The following EPHA5 variants were observed in gnomAD, a reference collection of about 807,000 sequenced individuals.
The protein encoded by EPHA5 is ephrin type-A receptor 5.
Under a neutral mutation model 105.0 loss-of-function variants are expected in EPHA5, and 60 were observed. The observed-to-expected ratio is 0.57, with a 90% CI of 0.46 to 0.71. EPHA5 has a LOEUF of 0.71. Ranked by LOEUF, EPHA5 falls within the 30% of genes least tolerant of loss-of-function variation. EPHA5 has a pLI of 0.00. For synonymous variants in EPHA5, 513 were observed against 449.1 expected (o/e 1.14, Z -1.80); for missense variants, 1,218 against 1,274.7 (o/e 0.96, Z 0.68).
intron 4 of EPHA5, among the ~76,000 whole-genome samples, chr4:65,492,640 C>T (rs13105712): frequency 0.025 from 3,868 of 151,820 alleles, 64 homozygotes; most frequent in African/African-American, 0.031. Context: ...AAAACAGTCC[C>T]CTTTAAGTTG....
chr4:65,582,943 G>A (rs1306595134), intron 3 of EPHA5, among the ~76,000 whole-genome samples: 1 of 151,400 alleles, frequency 6.6e-6, no homozygotes, highest in Non-Finnish European at 1.5e-5. Flanking sequence ...TTATATCTTT[G>A]TCTCTTTTAA....
chr4:65,574,920 C>T (rs77078412), intron 3 of EPHA5, among the ~76,000 whole-genome samples: 1 of 151,392 alleles, frequency 6.6e-6, no homozygotes, highest in Admixed American at 6.6e-5. Flanking sequence ...AGCTAGAGAA[C>T]CTATGATACA....
chr4:65,601,672 T>C lies in EPHA5; in HGVS notation c.879A>G (p.Ala293=). ...LVPIGKCMCK[A]GYEEKNGTCQ... ...AGGTGCCATTTTTCTCTTCATATCC[T>C]GCCTTGCACATGCATTTCCCGATGG... The change falls in exon 3 of 17, where the codon GCA becomes GCG. Residue 293 remains alanine, a synonymous_variant. Transcript: ENST00000613740. The C allele has an allele frequency of 6.2e-7, 1 of 1,614,114 alleles. No individual in the cohort carries two copies. The highest frequency in any genetic ancestry group is 8.5e-7 in the Non-Finnish European group (1 of 1,179,946).
chr4:65,473,931 G>C (rs1729536219), intron 5 of EPHA5, among the ~76,000 whole-genome samples: 1 of 145,424 alleles, frequency 6.9e-6, no homozygotes, highest in South Asian at 2.2e-4. Context: ...AATATCTATA[G>C]CATATTGAGG....
intron 2 of EPHA5, among the ~76,000 whole-genome samples, chr4:65,642,011 G>A (rs188829760): frequency 5.9e-5 from 9 of 152,028 alleles, no homozygotes; most frequent in Admixed American, 1.3e-4. Context: ...AACACCATAC[G>A]TATACTCTCA....
chr4:65,391,386 TTC>T lies in EPHA5; in HGVS notation c.1793+12986_1793+12987del, dbSNP rs376302142. ...GAGTTGCTGATCTATTAGAAACATT[TTC>T]TTTTTTTCCTGGTTCATGTAAGACC... On this transcript the variant is annotated intron_variant, in intron 8 of 16. Transcript: ENST00000613740. Among the ~76,000 whole-genome samples the T allele has an allele frequency of 3.6e-4, 55 of 152,280 alleles. 1 individual carries two copies. In the East Asian group the frequency reaches 8.7e-3, roughly 24 times the overall value.
intron 1 of EPHA5, among the ~76,000 whole-genome samples, chr4:65,657,929 A>G (rs1749217777): frequency 6.8e-6 from 1 of 147,444 alleles, no homozygotes; most frequent in African/African-American, 2.5e-5. Flanking sequence ...AAGATATTTT[A>G]CTGCCAGTTT....
At chr4:65,598,354 T>C (rs767543024) in intron 3 of EPHA5, among the ~76,000 whole-genome samples, 2 of 152,178 alleles carry the variant, frequency 1.3e-5, no homozygotes, top group Non-Finnish European at 2.9e-5. Context: ...TTAGAGATAA[T>C]ACAAAGGTAA....
intron 8 of EPHA5, among the ~76,000 whole-genome samples, chr4:65,374,918 C>T (rs1577952463): frequency 6.6e-6 from 1 of 151,850 alleles, no homozygotes; most frequent in Non-Finnish European, 1.5e-5. Context: ...TAGTATTTTA[C>T]TGACTCTCCT....
chr4:65,592,214 G>A (rs1393622838), intron 3 of EPHA5, among the ~76,000 whole-genome samples: 1 of 152,056 alleles, frequency 6.6e-6, no homozygotes, highest in Non-Finnish European at 1.5e-5. Context: ...GTTATGTTTT[G>A]TTTTAACACA....
intron 5 of EPHA5, among the ~76,000 whole-genome samples, chr4:65,446,394 G>T (rs547714196): frequency 6.6e-6 from 1 of 152,182 alleles, no homozygotes; most frequent in South Asian, 2.1e-4. Context: ...TAAAAGCATT[G>T]ATAGATACTG....
chr4:65,576,058 GAAAAGAAAA>G (rs1740937748), intron 3 of EPHA5, among the ~76,000 whole-genome samples: 1 of 50,814 alleles, frequency 2.0e-5, no homozygotes, highest in Non-Finnish European at 3.6e-5. Flanking sequence ...AAGAAAGAAA[GAAAAGAAAA>G]GAAAAGAAAA....
intron 1 of EPHA5, among the ~76,000 whole-genome samples, chr4:65,654,749 T>C (rs1198437750): frequency 1.4e-5 from 2 of 147,290 alleles, no homozygotes; most frequent in Admixed American, 6.8e-5. Context: ...ATTATAGTTA[T>C]CTATCTAAAT....
chr4:65,491,087 G>A (rs1407219206), intron 4 of EPHA5, among the ~76,000 whole-genome samples: 3 of 151,574 alleles, frequency 2.0e-5, no homozygotes, highest in East Asian at 1.9e-4. Flanking sequence ...GCTAATCCCT[G>A]CAACCTACAA....
chr4:65,364,977 A>T (rs769740468), intron 11 of EPHA5, 40 bp downstream of exon 11: 3 of 1,517,268 alleles, frequency 2.0e-6, no homozygotes, highest in Non-Finnish European at 2.7e-6. Flanking sequence ...ACAGATATTG[A>T]GGATATGCAC....
At chr4:65,641,527 A>C (rs1163847395) in intron 2 of EPHA5, among the ~76,000 whole-genome samples, 11 of 152,148 alleles carry the variant, frequency 7.2e-5, no homozygotes, top group African/African-American at 2.7e-4. Flanking sequence ...CCAACTAAAA[A>C]CATTTTAAGT....
intron 8 of EPHA5, among the ~76,000 whole-genome samples, chr4:65,403,833 G>C (rs896702451): frequency 2.0e-5 from 3 of 152,010 alleles, no homozygotes; most frequent in Non-Finnish European, 4.4e-5. Flanking sequence ...CATGATTGAA[G>C]TATTCAGGTT....
At chr4:65,435,764 T>G (rs774745438) in intron 5 of EPHA5, among the ~76,000 whole-genome samples, 1 of 151,968 alleles carries the variant, frequency 6.6e-6, no homozygotes, top group African/African-American at 2.4e-5. Flanking sequence ...ATGGAAACCA[T>G]TTTTGCTAGT....
At chr4:65,526,208 A>G (rs2149291017) in intron 3 of EPHA5, among the ~76,000 whole-genome samples, 1 of 152,034 alleles carries the variant, frequency 6.6e-6, no homozygotes, top group South Asian at 2.1e-4. Flanking sequence ...ATGGATATAA[A>G]GGGAAAGGAC....
Sources: allele counts gnomAD v4.1 joint callset (sites outside exome capture counted in the v4.1 genomes callset), GRCh38; gene constraint gnomAD v4.1.1; transcripts MANE v1.5; gene names NCBI Gene and HGNC (gene_info 2026-07-23, HGNC 2026-07-21).